Variants in PDCD5 observed in about 807,000 individuals in gnomAD.
PDCD5 encodes programmed cell death protein 5.
Under a neutral mutation model 21.9 loss-of-function variants are expected in PDCD5, and 23 were observed. The observed-to-expected ratio is 1.05, with a 90% CI of 0.76 to 1.49. The LOEUF (loss-of-function observed/expected upper bound fraction) is 1.49, where lower values mean the gene tolerates loss of function less well. Ranked by LOEUF, PDCD5 falls within the 40% of genes most tolerant of loss-of-function variation. The probability of loss-of-function intolerance (pLI) is 0.00; values close to 1 mark genes in which losing one functional copy is unlikely to be tolerated. For synonymous variants in PDCD5, 45 were observed against 49.4 expected, an observed-to-expected ratio of 0.91 and a Z score of 0.37; for missense variants, 152 against 147.7, an observed-to-expected ratio of 1.03 and a Z score of -0.15.
intron 1 of PDCD5, 62 bp from the exon 2 acceptor site, chr19:32,582,133 G>A: frequency 8.5e-7 from 1 of 1,174,868 alleles, no homozygotes; most frequent in South Asian, 1.3e-5. Context: ...CAACAGAACC[G>A]TTCCTTTTTC....
intron 2 of PDCD5, 40 bp downstream of exon 2, chr19:32,582,272 A>C: frequency 6.4e-7 from 1 of 1,552,468 alleles, no homozygotes; most frequent in Non-Finnish European, 8.9e-7. Flanking sequence ...GGGTGGTTTC[A>C]CCAAATGGAT....
Position 32,586,931 on chromosome 19 carries a change from T to A in PDCD5, c.330+2T>A. On this transcript the variant is annotated splice_donor_variant, in intron 5 of 5. Transcript: ENST00000590247. LOFTEE classifies it high-confidence loss of function. ...ACAGAAAAGACAACAACAGTGAAAG[T>A]AAGTGTCCCCAGATGCTTGTGGCAA... 1 of 1,607,412 alleles carries A rather than the reference T, an allele frequency of 6.2e-7. No individual in the cohort carries two copies. Among genetic ancestry groups the A allele is most frequent in the South Asian group, 1.1e-5 (1 of 90,318 alleles).
Position 32,587,451 on chromosome 19 carries a change from A to G in PDCD5, c.*151A>G. On this transcript the variant is annotated 3_prime_UTR_variant, in exon 6 of 6. Coordinates refer to ENST00000590247, the MANE Select transcript of PDCD5 (RefSeq NM_004708.4). Reference sequence around the variant, plus strand: ...CATTTGGGTAAGTTGTTTTAGTATCATAGCCAAGTGGCCAGATCTGTGTTT... The same window carrying G: ...CATTTGGGTAAGTTGTTTTAGTATCGTAGCCAAGTGGCCAGATCTGTGTTT... The G allele has an allele frequency of 3.9e-6, 2 of 515,030 alleles. No individual in the cohort carries two copies. Among genetic ancestry groups the G allele is most frequent in the South Asian group, 4.2e-5 (1 of 23,862 alleles). The allele number at this position is 515,030 out of a possible 1,614,324, so 31.9% of individuals were successfully genotyped here.
At chr19:32,585,757 TATAAC>T in intron 3 of PDCD5, 54 bp from the exon 4 acceptor site, 2 of 966,798 alleles carry the variant, frequency 2.1e-6, no homozygotes, top group Non-Finnish European at 1.7e-6. Flanking sequence ...AGTTTTAAGG[TATAAC>T]ATAAGTGCAT....
At chr19:32,584,189 G>C (rs1971455332) in intron 2 of PDCD5, among the ~76,000 whole-genome samples, 1 of 152,038 alleles carries the variant, frequency 6.6e-6, no homozygotes, top group Non-Finnish European at 1.5e-5. Flanking sequence ...ATAAAGAAGT[G>C]GCCTATGGAA....
chr19:32,584,868 C>A (rs1225433755), intron 2 of PDCD5, 82 bp from the exon 3 acceptor site: 3 of 1,087,806 alleles, frequency 2.8e-6, no homozygotes, highest in Non-Finnish European at 4.3e-6. Flanking sequence ...GAGACACATA[C>A]TGGATGGGTT....
rs571079562 is a variant in PDCD5, at chr19:32,587,201, T to C, written c.331-52T>C. On this transcript the variant is annotated intron_variant, in intron 5 of 5. Coordinates refer to ENST00000590247, the MANE Select transcript of PDCD5 (RefSeq NM_004708.4). ...GGTAGAAATCTTTTCTCGGAAAATC[T>C]GAGTTATGCTTTATTAGAAATGTTC... is the stretch of plus-strand genomic sequence containing the variant. 2.2e-6 allele frequency: 3 copies of C among 1,344,078 alleles called. No homozygotes were observed. In the African/African-American group the frequency reaches 4.3e-5, roughly 19 times the overall value. The allele number at this position is 1,344,078 out of a possible 1,614,324, so 83.3% of individuals were successfully genotyped here.
In PDCD5 at chr19:32,585,798, T is replaced by C; in HGVS notation, c.167-18T>C. ...TTGATTTTAATGGATTTTTTGCATA[T>C]GTATTTTTTCTTTTTAGTAAGTAAC... On this transcript the variant is annotated intron_variant, in intron 3 of 5. Transcript: ENST00000590247. 1.4e-6 allele frequency: 2 copies of C among 1,398,100 alleles called. No individual in the cohort carries two copies. Among genetic ancestry groups the C allele is most frequent in the South Asian group, 1.2e-5 (1 of 85,786 alleles). 86.6% of individuals were successfully genotyped at this position (1,398,100 alleles called of 1,614,324 possible).
chr19:32,582,147 C>G, intron 1 of PDCD5, 48 bp from the exon 2 acceptor site: 2 of 1,412,176 alleles, frequency 1.4e-6, no homozygotes, highest in South Asian at 2.4e-5. Context: ...CTTTTTCCCG[C>G]CGCCTCCCGT....
intron 2 of PDCD5, among the ~76,000 whole-genome samples, chr19:32,582,706 TAAATA>T (rs1971440572): frequency 6.6e-6 from 1 of 152,236 alleles, no homozygotes; most frequent in South Asian, 2.1e-4. Context: ...AAATTGTGGT[TAAATA>T]AAATTTCACC....
At position 32,587,435 on chromosome 19, in the gene PDCD5, A is replaced by G; in HGVS notation, c.*135A>G. On this transcript the variant is annotated 3_prime_UTR_variant, in exon 6 of 6. Transcript: ENST00000590247. Reference sequence around the variant, plus strand: ...GTTATGCAAAATAAAACATTTGGGTAAGTTGTTTTAGTATCATAGCCAAGT... The same window carrying G: ...GTTATGCAAAATAAAACATTTGGGTGAGTTGTTTTAGTATCATAGCCAAGT... 1.7e-6 allele frequency: 1 copy of G among 573,336 alleles called. No individual in the cohort carries two copies. Among genetic ancestry groups the G allele is most frequent in the Non-Finnish European group, 2.9e-6 (1 of 339,864 alleles). The allele number at this position is 573,336 out of a possible 1,614,324, so 35.5% of individuals were successfully genotyped here.
chr19:32,582,225 A>G lies in PDCD5; in HGVS notation c.97A>G (p.Lys33Glu), dbSNP rs1971435291. The G allele has an allele frequency of 6.2e-7, 1 of 1,613,172 alleles. No individual in the cohort carries two copies. The highest frequency in any genetic ancestry group is 8.5e-7 in the Non-Finnish European group (1 of 1,179,234). ...DPGDAAQQEA[K>E]HREAEMRNSI... ...TGGTGATGCGGCCCAACAGGAAGCAAAGCACAGGTATGGGCTGGAAACGTG... is the reference window on the plus strand; with the variant it reads ...TGGTGATGCGGCCCAACAGGAAGCAGAGCACAGGTATGGGCTGGAAACGTG... The change falls in exon 2 of 6, where the codon AAG becomes GAG. Residue 33 changes from lysine (K) to glutamate (E), a missense_variant. Coordinates refer to ENST00000590247, the MANE Select transcript of PDCD5 (RefSeq NM_004708.4).
intron 2 of PDCD5, 80 bp downstream of exon 2, chr19:32,582,312 G>A (rs564327101): frequency 8.0e-7 from 1 of 1,256,664 alleles, no homozygotes; most frequent in Admixed American, 2.0e-5. Flanking sequence ...TTAAGCAGGT[G>A]TGTGACTCAG....
intron 4 of PDCD5, 195 bp from the exon 5 acceptor site, chr19:32,586,663 G>C: frequency 7.6e-7 from 1 of 1,308,296 alleles, no homozygotes; most frequent in Non-Finnish European, 9.7e-7. Context: ...TCTCAAGTGA[G>C]GAATAGCAGA....
intron 2 of PDCD5, among the ~76,000 whole-genome samples, chr19:32,582,841 A>G (rs1971441998): frequency 6.6e-6 from 1 of 151,302 alleles, no homozygotes; most frequent in African/African-American, 2.4e-5. Flanking sequence ...TCACCTTCTT[A>G]CTCCTCCTCT....
intron 5 of PDCD5, 112 bp from the exon 6 acceptor site, chr19:32,587,141 A>T: frequency 2.2e-6 from 2 of 922,386 alleles, no homozygotes; most frequent in East Asian, 2.5e-5. Context: ...GTTCACGCTA[A>T]GTTGCTTTAA....
intron 2 of PDCD5, among the ~76,000 whole-genome samples, chr19:32,583,865 T>C (rs1392329293): frequency 6.6e-6 from 1 of 152,092 alleles, no homozygotes; most frequent in Non-Finnish European, 1.5e-5. Context: ...GAAGTCTCAC[T>C]CCATCACCCA....
chr19:32,584,974 C>T lies in PDCD5; in HGVS notation c.129C>T (p.Ile43=), dbSNP rs1426956952. The part of the protein sequence containing the change: ...KHREAEMRNS[I]LAQVLDQSAR... ...GGGAAGCAGAAATGAGAAACAGTAT[C>T]TTAGCCCAAGTTCTGGATCAGTCGG... Residue 43 remains isoleucine, a synonymous_variant, in exon 3 of 6, where the codon ATC becomes ATT. Coordinates refer to ENST00000590247, the MANE Select transcript of PDCD5 (RefSeq NM_004708.4). 5.0e-6 allele frequency: 8 copies of T among 1,613,870 alleles called. No individual in the cohort carries two copies. The highest frequency in any genetic ancestry group is 6.8e-6 in the Non-Finnish European group (8 of 1,179,856).
chr19:32,583,333 G>C (rs1403081638), intron 2 of PDCD5, among the ~76,000 whole-genome samples: 1 of 152,020 alleles, frequency 6.6e-6, no homozygotes, highest in Admixed American at 6.6e-5. Context: ...TGATACCCCA[G>C]TGGTGGGATC....
Sources: allele counts gnomAD v4.1 joint callset (sites outside exome capture counted in the v4.1 genomes callset), GRCh38; gene constraint gnomAD v4.1.1; transcripts MANE v1.5; gene names NCBI Gene and HGNC (gene_info 2026-07-23, HGNC 2026-07-21).